MFN1: variants seen among roughly 807,000 people sequenced by gnomAD.
The protein encoded by MFN1 is mitofusin 1.
Under a neutral mutation model 92.4 loss-of-function variants are expected in MFN1, and 65 were observed. The observed-to-expected ratio is 0.70, with a 90% CI of 0.58 to 0.86. The LOEUF is 0.86. MFN1 is among the 40% of genes least tolerant of loss of function. MFN1 has a pLI of 0.00. For synonymous variants in MFN1, 297 were observed against 300.9 expected (o/e 0.99, Z 0.13); for missense variants, 781 against 868.0 (o/e 0.90, Z 1.26).
chr3:179,378,095 G>GCTT (rs1713315838), intron 12 of MFN1: 1 of 429,736 alleles, frequency 2.3e-6, no homozygotes. Context: ...ATGGCGACAC[G>GCTT]CTTCTATAGT....
intron 3 of MFN1, among the ~76,000 whole-genome samples, chr3:179,355,894 G>A (rs1712328228): frequency 6.6e-6 from 1 of 151,992 alleles, no homozygotes; most frequent in Non-Finnish European, 1.5e-5. Flanking sequence ...GCAGGTTGCA[G>A]TGAGCTTACA....
chr3:179,390,623 A>C (rs1713863424), intron 17 of MFN1, among the ~76,000 whole-genome samples: 1 of 152,152 alleles, frequency 6.6e-6, no homozygotes, highest in East Asian at 1.9e-4. Context: ...GTCTAATAAA[A>C]TTTGCTTTTG....
At chr3:179,359,455 C>T (rs1159584250) in intron 4 of MFN1, among the ~76,000 whole-genome samples, 2 of 138,388 alleles carry the variant, frequency 1.4e-5, no homozygotes, top group Non-Finnish European at 1.5e-5. Flanking sequence ...GAGTCTCACT[C>T]TGTCACCCGG....
chr3:179,365,329 C>A (rs1712746369), intron 7 of MFN1, 104 bp downstream of exon 7: 2 of 659,968 alleles, frequency 3.0e-6, no homozygotes, highest in Non-Finnish European at 4.8e-6. Context: ...AAGAGCTATT[C>A]CATGAAAAGA....
At position 179,382,007 on chromosome 3, in the gene MFN1, T is replaced by C. The variant is rs558181509; in HGVS notation, c.1662+3193T>C. On this transcript the variant is annotated intron_variant, in intron 14 of 17. Coordinates refer to ENST00000471841, the MANE Select transcript of MFN1 (RefSeq NM_033540.3). ...GTGCTACATTCATTTTTGAAACATT[T>C]CTGTTTTCTTAAAAGATTTGGTTTT... 1.0e-3 allele frequency among the ~76,000 whole-genome samples: 152 copies of C among 152,338 alleles called. 1 individual carries two copies. Among genetic ancestry groups the C allele is most frequent in the Non-Finnish European group, 1.6e-3 (108 of 68,026 alleles).
intron 9 of MFN1, among the ~76,000 whole-genome samples, chr3:179,372,929 T>C (rs766308011): frequency 2.6e-4 from 40 of 152,218 alleles, no homozygotes; most frequent in Non-Finnish European, 5.0e-4. Flanking sequence ...AAATAAGTAG[T>C]TTACAAATGT....
In MFN1 at chr3:179,367,585, A is replaced by G. The variant is rs1323848936; in HGVS notation, c.900A>G (p.Pro300=). 1 of 1,609,064 alleles carries G rather than the reference A, an allele frequency of 6.2e-7. No homozygotes were observed. The highest frequency in any genetic ancestry group is 8.5e-7 in the Non-Finnish European group (1 of 1,178,474). ...GAAAGCAAAAAGCACAGGGGATGCC[A>G]GAAAGTGGTATGCATTACCTATAGA... is the stretch of plus-strand genomic sequence containing the variant. ...SARKQKAQGM[P]ESGVALAEGF... Residue 300 remains proline (P), a synonymous_variant, in exon 8 of 18, where the codon CCA becomes CCG. Coordinates refer to ENST00000471841, the MANE Select transcript of MFN1 (RefSeq NM_033540.3).
intron 3 of MFN1, among the ~76,000 whole-genome samples, chr3:179,356,301 C>T (rs1712342040): frequency 6.6e-6 from 1 of 152,206 alleles, no homozygotes; most frequent in East Asian, 1.9e-4. Context: ...TTTATGAAAA[C>T]TCTTGAACAT....
At chr3:179,364,240 G>C in intron 5 of MFN1, 57 bp from the exon 6 acceptor site, 3 of 1,231,848 alleles carry the variant, frequency 2.4e-6, no homozygotes, top group Non-Finnish European at 3.3e-6. Context: ...AAAAAATTCT[G>C]TAACCCAAAT....
At chr3:179,365,620 C>A (rs1447688946) in intron 7 of MFN1, among the ~76,000 whole-genome samples, 8 of 152,118 alleles carry the variant, frequency 5.3e-5, no homozygotes, top group Admixed American at 5.2e-4. Flanking sequence ...AAAAAGCAGA[C>A]CATTCTGAAC....
At position 179,392,924 on chromosome 3, in the gene MFN1, C is replaced by T. The variant is rs775861091; in HGVS notation, c.*865C>T. 2.0e-5 allele frequency: 3 copies of T among 152,048 alleles called. No individual in the cohort carries two copies. The highest frequency in any genetic ancestry group is 4.4e-5 in the Non-Finnish European group (3 of 67,990). 9.4% of individuals were successfully genotyped at this position (152,048 alleles called of 1,614,324 possible). A position where few individuals can be genotyped will look rare whatever the true frequency, so the allele number is the denominator to read the frequency against. On this transcript the variant is annotated 3_prime_UTR_variant, in exon 18 of 18. Transcript: ENST00000471841. ...TTTAATTTTATTTGTATGAATTTTC[C>T]AGGATTTCATTAAAAATTATTATTG...
Position 179,375,450 on chromosome 3 carries a change from A to G in MFN1, c.1097+109A>G, listed in dbSNP as rs1713203773. 50 of 1,357,986 alleles carry G rather than the reference A, an allele frequency of 3.7e-5. 2 individuals are homozygous for G. The South Asian group carries it at 6.2e-4, about 17-fold the overall frequency. 84.1% of individuals were successfully genotyped at this position (1,357,986 alleles called of 1,614,324 possible). A position where few individuals can be genotyped will look rare whatever the true frequency, so the allele number is the denominator to read the frequency against. ...ATAAATACTTTTTACACTGAAATCA[A>G]CCTTGTGGGTTTAACTGATGCCTAC... On this transcript the variant is annotated intron_variant, in intron 10 of 17. Coordinates refer to ENST00000471841, the MANE Select transcript of MFN1 (RefSeq NM_033540.3).
At chr3:179,360,254 C>T (rs776138359) in intron 4 of MFN1, among the ~76,000 whole-genome samples, 4 of 151,992 alleles carry the variant, frequency 2.6e-5, no homozygotes, top group Non-Finnish European at 4.4e-5. Context: ...GCTGTTTAAT[C>T]GTGTATCATT....
intron 16 of MFN1, 97 bp downstream of exon 16, chr3:179,386,726 A>G: frequency 8.8e-7 from 1 of 1,133,304 alleles, no homozygotes. Context: ...TCAAAGAATT[A>G]TCACAAAATG....
chr3:179,385,471 T>C, intron 14 of MFN1, 98 bp from the exon 15 acceptor site: 2 of 1,089,020 alleles, frequency 1.8e-6, no homozygotes, highest in Non-Finnish European at 2.6e-6. Context: ...GGGTAATTTT[T>C]CCCTCATAGA....
rs1577008146 is a variant in MFN1 at position 179,367,933 on chromosome 3, A to AAT, written c.908-103_908-102insAT. 3 of 480,110 alleles carry AAT rather than the reference A, an allele frequency of 6.2e-6. No homozygotes were observed. The East Asian group carries it at 3.0e-4, about 48-fold the overall frequency. 29.7% of individuals were successfully genotyped at this position (480,110 alleles called of 1,614,324 possible). ...AGCAAGACTCTGTCTCGGGGGAAAA[A>AAT]GTATATATATATATATATATTTAAA... On this transcript the variant is annotated intron_variant, in intron 8 of 17. Coordinates refer to ENST00000471841, the MANE Select transcript of MFN1 (RefSeq NM_033540.3).
At chr3:179,356,382 C>T (rs373632468) in intron 3 of MFN1, among the ~76,000 whole-genome samples, 1 of 152,322 alleles carries the variant, frequency 6.6e-6, no homozygotes, top group African/African-American at 2.4e-5. Context: ...CATGAATGCT[C>T]AGGCATCTCA....
chr3:179,357,812 C>T (rs1430567636), intron 3 of MFN1, among the ~76,000 whole-genome samples: 1 of 152,130 alleles, frequency 6.6e-6, no homozygotes, highest in African/African-American at 2.4e-5. Flanking sequence ...AGATAGGGCA[C>T]AGCGGGGATG....
intron 3 of MFN1, among the ~76,000 whole-genome samples, chr3:179,353,055 ATTTTTTTT>A (rs11408958): frequency 2.1e-5 from 3 of 139,782 alleles, no homozygotes; most frequent in African/African-American, 7.9e-5. Flanking sequence ...TCCAGCCTAA[ATTTTTTTT>A]TTTTTTTTTG....
Sources: allele counts gnomAD v4.1 joint callset (sites outside exome capture counted in the v4.1 genomes callset), GRCh38; gene constraint gnomAD v4.1.1; transcripts MANE v1.5; gene names NCBI Gene and HGNC (gene_info 2026-07-23, HGNC 2026-07-21).